ATP8B4: variants seen among roughly 807,000 people sequenced by gnomAD.
ATP8B4 encodes the protein probable phospholipid-transporting ATPase IM.
ATP8B4 carries 133 observed loss-of-function variants against 145.6 expected under a neutral mutation model. The ratio of observed to expected loss-of-function variants is 0.91; its 90% CI spans 0.79 to 1.05. The LOEUF (loss-of-function observed/expected upper bound fraction) is 1.05, where lower values mean the gene tolerates loss of function less well. Ranked by LOEUF, ATP8B4 falls within the 50% of genes least tolerant of loss-of-function variation. The pLI, the probability that ATP8B4 is intolerant of heterozygous loss-of-function variation, is 0.00. For missense variants in ATP8B4, 1,458 were observed against 1,425.2 expected (o/e 1.02, Z -0.37); for synonymous variants, 507 against 492.9 (o/e 1.03, Z -0.38).
intron 2 of ATP8B4, among the ~76,000 whole-genome samples, chr15:50,079,612 G>C (rs148611317): frequency 4.9e-4 from 75 of 152,260 alleles, no homozygotes; most frequent in African/African-American, 1.6e-3. Context: ...GTCATTGTTT[G>C]ATATAAAGAA....
intron 1 of ATP8B4, among the ~76,000 whole-genome samples, chr15:50,137,547 C>T (rs1037153266): frequency 2.6e-5 from 4 of 152,220 alleles, no homozygotes; most frequent in Non-Finnish European, 5.9e-5. Context: ...TTGGAAGTGT[C>T]TCAGAGTGAA....
At chr15:50,014,854 T>G (rs1366321677) in intron 6 of ATP8B4, among the ~76,000 whole-genome samples, 2 of 152,224 alleles carry the variant, frequency 1.3e-5, no homozygotes, top group Admixed American at 1.3e-4. Flanking sequence ...GATCTTTGCC[T>G]TATTTTGCAG....
chr15:49,939,735 C>G (rs1326575677), intron 14 of ATP8B4, among the ~76,000 whole-genome samples: 1 of 152,150 alleles, frequency 6.6e-6, no homozygotes, highest in Non-Finnish European at 1.5e-5. Context: ...AGGATGGACT[C>G]TTCTCTAACT....
intron 14 of ATP8B4, among the ~76,000 whole-genome samples, chr15:49,957,599 C>A (rs1278444995): frequency 6.6e-6 from 1 of 151,746 alleles, no homozygotes; most frequent in African/African-American, 2.4e-5. Context: ...AAAAGGTGGG[C>A]AAATATAAAC....
intron 20 of ATP8B4, among the ~76,000 whole-genome samples, chr15:49,915,670 G>T (rs2039662657): frequency 6.6e-6 from 1 of 151,974 alleles, no homozygotes; most frequent in Non-Finnish European, 1.5e-5. Context: ...TATTAAATAA[G>T]TTACTAATAT....
At chr15:50,115,045 T>C (rs2057123038) in intron 1 of ATP8B4, among the ~76,000 whole-genome samples, 1 of 152,092 alleles carries the variant, frequency 6.6e-6, no homozygotes, top group South Asian at 2.1e-4. Context: ...GAATCGTGAG[T>C]GTAGGCCAGA....
chr15:50,178,988 G>A (rs2044804983), intron 1 of ATP8B4, among the ~76,000 whole-genome samples: 1 of 152,152 alleles, frequency 6.6e-6, no homozygotes. Flanking sequence ...AACAACTACT[G>A]CCCTAAAGGA....
At chr15:49,994,251 C>G (rs2047246430) in intron 9 of ATP8B4, among the ~76,000 whole-genome samples, 1 of 152,148 alleles carries the variant, frequency 6.6e-6, no homozygotes. Context: ...AGGAGAGGAT[C>G]CAGCACTCCT....
At chr15:49,996,166 G>A (rs769398285) in intron 9 of ATP8B4, among the ~76,000 whole-genome samples, 2 of 152,080 alleles carry the variant, frequency 1.3e-5, no homozygotes, top group Non-Finnish European at 2.9e-5. Context: ...ATGACCAACT[G>A]ATTAATAAAT....
At chr15:50,103,301 A>ACTTCCT (rs1303258249) in intron 2 of ATP8B4, among the ~76,000 whole-genome samples, 4 of 152,168 alleles carry the variant, frequency 2.6e-5, no homozygotes, top group African/African-American at 9.7e-5. Flanking sequence ...AGGAAGTCAA[A>ACTTCCT]CTGTTGCTGT....
At chr15:50,086,067 TATA>T (rs1330021779) in intron 2 of ATP8B4, among the ~76,000 whole-genome samples, 1 of 110,346 alleles carries the variant, frequency 9.1e-6, no homozygotes. Flanking sequence ...ATATATTATA[TATA>T]ATAAATATAG....
intron 20 of ATP8B4, among the ~76,000 whole-genome samples, chr15:49,915,679 A>G (rs2039663556): frequency 6.6e-6 from 1 of 152,140 alleles, no homozygotes; most frequent in Non-Finnish European, 1.5e-5. Flanking sequence ...AGTTACTAAT[A>G]TTTCCCCAAC....
Position 50,054,579 on chromosome 15 carries a change from C to G in ATP8B4, c.88-7115G>C, listed in dbSNP as rs11858883. Among the ~76,000 whole-genome samples the G allele has an allele frequency of 5.3e-5, 8 of 151,910 alleles. 1 individual carries two copies. The South Asian group carries it at 1.5e-3, about 28-fold the overall frequency. Reference sequence around the variant, plus strand: ...CAGGCGGATCACAAGGTCAGGAGATCGAGATCAGCCTGGCTAACATGGTGA... The same window carrying G: ...CAGGCGGATCACAAGGTCAGGAGATGGAGATCAGCCTGGCTAACATGGTGA... On this transcript the variant is annotated intron_variant, in intron 3 of 27. Coordinates refer to ENST00000284509, the MANE Select transcript of ATP8B4 (RefSeq NM_024837.4).
At chr15:49,901,756 A>T (rs76550349) in intron 20 of ATP8B4, 4,558 of 407,524 alleles carry the variant, frequency 0.011, 173 homozygotes, top group African/African-American at 0.087. Flanking sequence ...TTTAAAAAAA[A>T]TTTAACAAGA....
At chr15:49,993,533 T>G (rs1393061251) in intron 9 of ATP8B4, among the ~76,000 whole-genome samples, 1 of 152,204 alleles carries the variant, frequency 6.6e-6, no homozygotes, top group African/African-American at 2.4e-5. Context: ...AAGACTTCCA[T>G]GCCGCACCTT....
chr15:49,931,352 A>G, intron 15 of ATP8B4, 45 bp from the exon 16 acceptor site: 1 of 1,553,470 alleles, frequency 6.4e-7, no homozygotes, highest in Non-Finnish European at 8.8e-7. Context: ...CTAACAGCTA[A>G]CATTCATAGA....
rs138340290 is a variant in ATP8B4, at chr15:50,070,889, C to T, written c.87+3238G>A. Among the ~76,000 whole-genome samples, 187 of 152,186 alleles carry T rather than the reference C, an allele frequency of 1.2e-3. 1 individual carries two copies. Among genetic ancestry groups the T allele is most frequent in the African/African-American group, 4.3e-3 (177 of 41,520 alleles). ...TTGTGTAGCTGGACTACACACGCCC[C>T]GCACCACCACACCTGGCTAATTTTT... On this transcript the variant is annotated intron_variant, in intron 3 of 27. Transcript: ENST00000284509.
chr15:50,120,658 C>G (rs376336033), upstream of ATP8B4, among the ~76,000 whole-genome samples: 1 of 152,098 alleles, frequency 6.6e-6, no homozygotes, highest in African/African-American at 2.4e-5. Flanking sequence ...ACCACACACA[C>G]GTGCAAACAT....
chr15:49,941,868 AG>A (rs1211400670), intron 14 of ATP8B4, among the ~76,000 whole-genome samples: 8 of 152,250 alleles, frequency 5.3e-5, no homozygotes, highest in Non-Finnish European at 1.2e-4. Context: ...CCATAAAAAA[AG>A]AATAAAATGT....
Sources: allele counts gnomAD v4.1 joint callset (sites outside exome capture counted in the v4.1 genomes callset), GRCh38; gene constraint gnomAD v4.1.1; transcripts MANE v1.5; gene names NCBI Gene and HGNC (gene_info 2026-07-23, HGNC 2026-07-21).